UNC79: variants seen among roughly 807,000 people sequenced by gnomAD.
UNC79 encodes the protein protein unc-79 homolog.
Under a neutral mutation model 283.1 loss-of-function variants are expected in UNC79, and 37 were observed. That is an observed-to-expected ratio of 0.13 (90% CI 0.10 to 0.17). UNC79 has a LOEUF of 0.17. UNC79 is among the 10% of genes least tolerant of loss of function. The pLI, the probability that UNC79 is intolerant of heterozygous loss-of-function variation, is 1.00. For missense variants in UNC79, 2,272 were observed against 3,211.1 expected (o/e 0.71, Z 7.07); for synonymous variants, 1,107 against 1,200.2 (o/e 0.92, Z 1.61).
chr14:93,537,296 C>T (rs116786485), intron 11 of UNC79, among the ~76,000 whole-genome samples: 4,157 of 152,320 alleles, frequency 0.027, 206 homozygotes, highest in African/African-American at 0.095. Context: ...CCACTTTTCT[C>T]GTTCCCATCA....
chr14:93,601,410 G>A (rs1445328531), intron 25 of UNC79, among the ~76,000 whole-genome samples: 3 of 152,146 alleles, frequency 2.0e-5, no homozygotes, highest in Non-Finnish European at 4.4e-5. Flanking sequence ...ACTCCATCCA[G>A]ATTGCTGTGA....
chr14:93,706,830 C>A, exon 49 of UNC79: 1 of 1,614,250 alleles, frequency 6.2e-7, no homozygotes. Flanking sequence ...AAAGTGGTTG[C>A]AGTGCACTCA....
At chr14:93,497,039 G>A (rs1398068659) in intron 6 of UNC79, 118 bp from the exon 7 acceptor site, 7 of 1,099,270 alleles carry the variant, frequency 6.4e-6, no homozygotes, top group Non-Finnish European at 9.0e-6. Context: ...GAGATTCCAG[G>A]GAAATTACTC....
rs1344152453 is a variant in UNC79, at chr14:93,474,384, G to A, written c.439G>A (p.Gly147Ser). The A allele has an allele frequency of 1.3e-6, 2 of 1,534,670 alleles. No homozygotes were observed. The highest frequency in any genetic ancestry group is 1.7e-6 in the Non-Finnish European group (2 of 1,145,872). Reference sequence around the variant, plus strand: ...GGATCTAGTTCCTTTACTACAGCACGGCCAACACGGTGAGCACTTAGCTGA... The same window carrying A: ...GGATCTAGTTCCTTTACTACAGCACAGCCAACACGGTGAGCACTTAGCTGA... Residue 147 changes from glycine (G) to serine (S), a missense_variant, in exon 3 of 49, where the codon GGC (glycine) becomes AGC (serine). Gly to Ser is a moderately conservative substitution (Grantham distance 56, BLOSUM62 0). This residue lies in a region of UNC79 where 194 missense variants were observed against 268.9 expected (regional missense o/e 0.72). Transcript: ENST00000555664. The surrounding 1 kb of genome is among the most constrained non-coding windows in gnomAD (Gnocchi z 4.1).
chr14:93,651,055 G>T lies in UNC79; in HGVS notation c.6084-2687G>T, dbSNP rs117039045. On this transcript the variant is annotated intron_variant, in intron 35 of 48. Coordinates refer to ENST00000555664, the Ensembl canonical transcript of UNC79. The stretch of plus-strand genomic sequence containing the variant: ...AAAAAGATATTTTCTTTTCTTATTG[G>T]ATCACTGTGGTGCCTGTTAAGCTTA... 1.1e-4 allele frequency among the ~76,000 whole-genome samples: 17 copies of T among 152,208 alleles called. No individual in the cohort carries two copies. In the East Asian group the frequency reaches 3.3e-3, roughly 29 times the overall value.
At chr14:93,530,878 CAG>C (rs2060790935) in intron 10 of UNC79, among the ~76,000 whole-genome samples, 1 of 152,158 alleles carries the variant, frequency 6.6e-6, no homozygotes, top group Non-Finnish European at 1.5e-5. Flanking sequence ...CACTGCACTC[CAG>C]CCTGGGCAAC....
chr14:93,637,129 C>T (rs894886098), intron 31 of UNC79, 87 bp from the exon 35 acceptor site: 1 of 794,432 alleles, frequency 1.3e-6, no homozygotes, highest in Non-Finnish European at 2.3e-6. Flanking sequence ...AAAAATTGGC[C>T]CCCAGAGATG....
chr14:93,497,191 A>G, exon 7 of UNC79: 2 of 1,613,524 alleles, frequency 1.2e-6, no homozygotes, highest in Middle Eastern at 1.8e-4. Context: ...GGGCCTTCAC[A>G]AGTGAAGCCT....
At chr14:93,358,033 T>TTTTGGA in intron 1 of UNC79, among the ~76,000 whole-genome samples, 1 of 150,292 alleles carries the variant, frequency 6.7e-6, no homozygotes, top group South Asian at 2.1e-4. Context: ...TGAATACAGA[T>TTTTGGA]TTTGGTACCA....
In UNC79 at chr14:93,617,375, C is replaced by A; in HGVS notation, c.4224+71C>A. ...GAGAGCATATAGCATTAGGAGAACA[C>A]CTGAGTCTTTAGTTGAAAATTTTGT... is the stretch of plus-strand genomic sequence containing the variant. On this transcript the variant is annotated intron_variant, in intron 28 of 48. Transcript: ENST00000555664. The surrounding 1 kb of genome is among the most constrained non-coding windows in gnomAD (Gnocchi z 4.5). The A allele has an allele frequency of 6.8e-7, 1 of 1,469,424 alleles. No individual in the cohort carries two copies. The highest frequency in any genetic ancestry group is 9.1e-7 in the Non-Finnish European group (1 of 1,094,212). The allele number at this position is 1,469,424 out of a possible 1,614,324, so 91.0% of individuals were successfully genotyped here.
chr14:93,676,110 G>A (rs916896151), intron 41 of UNC79, among the ~76,000 whole-genome samples: 26 of 152,136 alleles, frequency 1.7e-4, no homozygotes, highest in African/African-American at 4.1e-4. Flanking sequence ...AGGTTGGAAC[G>A]CAGTGGCATG....
intron 14 of UNC79, among the ~76,000 whole-genome samples, chr14:93,566,427 G>A (rs1009337039): frequency 3.3e-5 from 5 of 152,120 alleles, no homozygotes; most frequent in Admixed American, 2.0e-4. Flanking sequence ...GACATCAGGG[G>A]TAAGGTGTGC....
intron 1 of UNC79, among the ~76,000 whole-genome samples, chr14:93,414,471 G>T (rs949955498): frequency 1.3e-5 from 2 of 152,174 alleles, no homozygotes; most frequent in Admixed American, 1.3e-4. Context: ...GATGCCTCCA[G>T]CTTTGTTCTT....
chr14:93,347,273 C>T (rs201659311), intron 1 of UNC79: 2 of 1,603,980 alleles, frequency 1.2e-6, no homozygotes, highest in Admixed American at 1.7e-5. Flanking sequence ...CGCGATATGC[C>T]TCTCCTGCGT....
intron 16 of UNC79, 146 bp from the exon 17 acceptor site, chr14:93,574,912 G>C: frequency 2.3e-6 from 2 of 852,902 alleles, no homozygotes; most frequent in South Asian, 4.2e-5. Context: ...ATGAAAATTG[G>C]AGGATGACTG....
chr14:93,425,174 G>T (rs1435471469), intron 1 of UNC79, among the ~76,000 whole-genome samples: 3 of 152,058 alleles, frequency 2.0e-5, no homozygotes, highest in Non-Finnish European at 2.9e-5. Context: ...TGGTGGAAGG[G>T]GAAGCAAACA....
chr14:93,421,462 T>C lies in UNC79; in HGVS notation c.-350-46209T>C, dbSNP rs556236330. Among the ~76,000 whole-genome samples, 745 of 151,794 alleles carry C rather than the reference T, an allele frequency of 4.9e-3. 6 individuals carry two copies. The highest frequency in any genetic ancestry group is 0.017 in the African/African-American group (698 of 41,524). On this transcript the variant is annotated intron_variant, in intron 1 of 49. Transcript: ENST00000256339. ...ACAAGTAGTGAGATTGAAGCCATAA[T>C]AAAGTCTCCAGGCAAAGAAAAGCCT...
At chr14:93,570,221 T>C (rs2063136487) in intron 14 of UNC79, among the ~76,000 whole-genome samples, 1 of 152,198 alleles carries the variant, frequency 6.6e-6, no homozygotes, top group African/African-American at 2.4e-5. Context: ...AGTTATTTTT[T>C]TAATACCTCA....
intron 7 of UNC79, among the ~76,000 whole-genome samples, chr14:93,519,064 G>T (rs989576456): frequency 6.6e-6 from 1 of 151,810 alleles, no homozygotes; most frequent in South Asian, 2.1e-4. Flanking sequence ...GTGTTTTCAA[G>T]TCTTATATAT....
Sources: gnomAD v4.1 joint callset for allele counts (sites outside exome capture counted in the v4.1 genomes callset) on GRCh38, gnomAD v4.1.1 for gene constraint, gnomAD v4.1.1 regional missense constraint, Gnocchi (gnomAD v3.1) non-coding constraint, MANE v1.5 for transcripts, NCBI Gene and HGNC (gene_info 2026-07-23, HGNC 2026-07-21) for gene names.